GNG2: variants seen among roughly 807,000 people sequenced by gnomAD.
GNG2 encodes the protein guanine nucleotide-binding protein G(I)/G(S)/G(O) subunit gamma-2.
In GNG2, 5 loss-of-function variants were observed where a neutral mutation model predicts 5.5. The ratio of observed to expected loss-of-function variants is 0.91; its 90% CI spans 0.48 to 1.92. The LOEUF (loss-of-function observed/expected upper bound fraction) is 1.92. GNG2 is among the 30% of genes most tolerant of loss of function. The pLI is 0.01. For synonymous variants in GNG2, 28 were observed against 32.0 expected (o/e 0.88, Z 0.42); for missense variants, 55 against 88.4 (o/e 0.62, Z 1.52).
intron 2 of GNG2, among the ~76,000 whole-genome samples, chr14:51,830,225 TC>T (rs532211650): frequency 6.6e-6 from 1 of 152,242 alleles, no homozygotes; most frequent in Non-Finnish European, 1.5e-5. Context: ...GATTAGCCAT[TC>T]CTTTGTAGTT....
At position 51,920,068 on chromosome 14, in the gene GNG2, T is replaced by G. The variant is rs544919786; in HGVS notation, c.-29-30582T>G. Among the ~76,000 whole-genome samples, 17 of 152,314 alleles carry G rather than the reference T, an allele frequency of 1.1e-4. 1 individual carries two copies. The South Asian group carries it at 3.5e-3, about 32-fold the overall frequency. The stretch of plus-strand genomic sequence containing the variant: ...CAAGTCCCTGTATAAAATGATATTG[T>G]AGAGCTGGCCCTTTGTATCTGAGGG... On this transcript the variant is annotated intron_variant, in intron 2 of 3. Transcript: ENST00000556766.
At chr14:51,955,485 C>G (rs543121794) in intron 3 of GNG2, among the ~76,000 whole-genome samples, 2 of 152,268 alleles carry the variant, frequency 1.3e-5, no homozygotes, top group Middle Eastern at 3.4e-3. Context: ...ATGTTGTCTA[C>G]TTGTTTGCAT....
At chr14:51,915,024 C>T (rs764198480) in intron 2 of GNG2, among the ~76,000 whole-genome samples, 3 of 152,236 alleles carry the variant, frequency 2.0e-5, no homozygotes, top group African/African-American at 4.8e-5. Context: ...TCATTTCTTT[C>T]TACTTAGGCA....
intron 2 of GNG2, among the ~76,000 whole-genome samples, chr14:51,911,450 G>A (rs148128198): frequency 7.8e-4 from 119 of 152,156 alleles, no homozygotes; most frequent in African/African-American, 2.5e-3. Flanking sequence ...AGTTCAAATC[G>A]TGGCCCCTCC....
At chr14:51,854,510 GTTTTTA>G (rs1594839194) in intron 2 of GNG2, among the ~76,000 whole-genome samples, 2 of 151,626 alleles carry the variant, frequency 1.3e-5, no homozygotes, top group African/African-American at 4.8e-5. Context: ...TTTTTTCTTT[GTTTTTA>G]TTTTTATTTT....
chr14:51,883,054 G>A (rs1378766519), intron 2 of GNG2, among the ~76,000 whole-genome samples: 1 of 149,216 alleles, frequency 6.7e-6, no homozygotes, highest in Admixed American at 6.7e-5. Flanking sequence ...GAACAGTCCA[G>A]AAGTAATAAC....
intron 2 of GNG2, among the ~76,000 whole-genome samples, chr14:51,829,999 T>C (rs1175449230): frequency 2.0e-5 from 3 of 152,226 alleles, no homozygotes; most frequent in South Asian, 2.1e-4. Context: ...TGCACCACCA[T>C]GCCTGGCTAA....
chr14:51,872,186 C>T (rs916865989), intron 1 of GNG2, among the ~76,000 whole-genome samples: 1 of 152,178 alleles, frequency 6.6e-6, no homozygotes, highest in African/African-American at 2.4e-5. Flanking sequence ...TGAGTTGTTG[C>T]CACAGTATAA....
At chr14:51,926,013 TTTG>T (rs1175815815) in intron 2 of GNG2, among the ~76,000 whole-genome samples, 4 of 152,098 alleles carry the variant, frequency 2.6e-5, no homozygotes, top group Non-Finnish European at 4.4e-5. Context: ...TTGTGTTTAA[TTTG>T]TTTTCTTTTC....
rs1370410276 is a variant in GNG2 at position 51,935,021 on chromosome 14, C to CTTTT, written c.-29-15626_-29-15625insTTTT. Among the ~76,000 whole-genome samples the CTTTT allele has an allele frequency of 9.0e-5, 10 of 111,288 alleles. 3 individuals are homozygous for CTTTT. Among genetic ancestry groups the CTTTT allele is most frequent in the Non-Finnish European group, 1.1e-4 (6 of 54,172 alleles). 73.0% of individuals were successfully genotyped at this position (111,288 alleles called of 152,430 possible). Reference sequence around the variant, plus strand: ...ATAGGTGGAAATTCCAGCCCAGTTTCTTTCTTTTTTTTTTTTTTTTGGAGA... The same window carrying CTTTT: ...ATAGGTGGAAATTCCAGCCCAGTTTCTTTTTTTCTTTTTTTTTTTTTTTTGGAGA... On this transcript the variant is annotated intron_variant, in intron 2 of 3. Transcript: ENST00000556766.
intron 2 of GNG2, among the ~76,000 whole-genome samples, chr14:51,950,123 C>G (rs940868646): frequency 2.6e-5 from 4 of 152,188 alleles, no homozygotes; most frequent in African/African-American, 4.8e-5. Flanking sequence ...TTTAGAATAA[C>G]ACTGGTGAAC....
At chr14:51,834,559 C>A (rs775532594) in intron 2 of GNG2, among the ~76,000 whole-genome samples, 1 of 152,232 alleles carries the variant, frequency 6.6e-6, no homozygotes, top group Admixed American at 6.5e-5. Context: ...ACAGCTGCCT[C>A]TGTCTTACGC....
At chr14:51,950,403 A>G (rs1172915758) in intron 2 of GNG2, among the ~76,000 whole-genome samples, 1 of 152,190 alleles carries the variant, frequency 6.6e-6, no homozygotes, top group Non-Finnish European at 1.5e-5. Flanking sequence ...ACATTTGGTA[A>G]TATTCTTTGT....
intron 3 of GNG2, among the ~76,000 whole-genome samples, chr14:51,958,024 A>T (rs1484594051): frequency 6.6e-6 from 1 of 152,096 alleles, no homozygotes; most frequent in Non-Finnish European, 1.5e-5. Flanking sequence ...CTCCACACAA[A>T]CCTATTTGTT....
intron 3 of GNG2, among the ~76,000 whole-genome samples, chr14:51,960,148 G>A (rs1046218586): frequency 6.6e-6 from 1 of 150,682 alleles, no homozygotes; most frequent in African/African-American, 2.4e-5. Flanking sequence ...ATTTGAAGTT[G>A]TCTCCTATCT....
intron 2 of GNG2, among the ~76,000 whole-genome samples, chr14:51,836,388 A>G (rs1881333936): frequency 6.6e-6 from 1 of 152,130 alleles, no homozygotes; most frequent in African/African-American, 2.4e-5. Flanking sequence ...TATAAAAGTC[A>G]CTAATTCATT....
intron 2 of GNG2, among the ~76,000 whole-genome samples, chr14:51,850,804 A>AG (rs535765171): frequency 6.6e-6 from 1 of 152,130 alleles, no homozygotes; most frequent in African/African-American, 2.4e-5. Context: ...AGAGAGTGGG[A>AG]GGGGGGTGCC....
intron 2 of GNG2, among the ~76,000 whole-genome samples, chr14:51,855,342 C>T (rs113853478): frequency 0.011 from 1,701 of 152,310 alleles, 14 homozygotes; most frequent in Non-Finnish European, 0.015. Context: ...GGCACTCTCT[C>T]TCCAGAAAGA....
At chr14:51,832,312 G>T (rs573201388) in intron 2 of GNG2, among the ~76,000 whole-genome samples, 1 of 151,992 alleles carries the variant, frequency 6.6e-6, no homozygotes, top group Admixed American at 6.5e-5. Flanking sequence ...GAAAAAGATG[G>T]CAAAGCTATT....
Sources: gnomAD v4.1 joint callset for allele counts (sites outside exome capture counted in the v4.1 genomes callset) on GRCh38, gnomAD v4.1.1 for gene constraint, MANE v1.5 for transcripts, NCBI Gene and HGNC (gene_info 2026-07-23, HGNC 2026-07-21) for gene names.